SYT1: variants seen among roughly 807,000 people sequenced by gnomAD.
SYT1 encodes the protein synaptotagmin-1.
SYT1 carries 8 observed loss-of-function variants against 44.8 expected under a neutral mutation model. The ratio of observed to expected loss-of-function variants is 0.18; its 90% CI spans 0.10 to 0.32. The LOEUF is 0.32. Ranked by LOEUF, SYT1 falls within the 10% of genes least tolerant of loss-of-function variation. The pLI is 1.00. For missense variants in SYT1, 286 were observed against 509.3 expected, an observed-to-expected ratio of 0.56 and a Z score of 4.22; for synonymous variants, 154 against 188.8, an observed-to-expected ratio of 0.82 and a Z score of 1.51.
chr12:78,890,777 T>A (rs1173803779), intron 1 of SYT1, among the ~76,000 whole-genome samples: 1 of 151,928 alleles, frequency 6.6e-6, no homozygotes, highest in East Asian at 1.9e-4. Context: ...CTCCTCGCTA[T>A]AACTGCATTT....
chr12:78,931,179 A>AAGAAAAAGAAAGAAAG (rs1555181905), intron 1 of SYT1, among the ~76,000 whole-genome samples: 6 of 59,868 alleles, frequency 1.0e-4, no homozygotes, highest in African/African-American at 4.6e-4. Context: ...GAAAGAAAGA[A>AAGAAAAAGAAAGAAAG]AAAGAAAGAA....
chr12:79,270,148 T>A (rs546488360), intron 4 of SYT1, among the ~76,000 whole-genome samples: 80 of 152,314 alleles, frequency 5.3e-4, no homozygotes, highest in Admixed American at 2.2e-3. Context: ...AAAGCAAGAC[T>A]TTGAAAAAGA....
chr12:79,049,768 T>C (rs1874332667), intron 3 of SYT1, among the ~76,000 whole-genome samples: 1 of 152,000 alleles, frequency 6.6e-6, no homozygotes, highest in African/African-American at 2.4e-5. Flanking sequence ...ATGAAAGCTT[T>C]TTAGCACAGG....
At chr12:79,382,371 T>C (rs1037864742) in intron 9 of SYT1, among the ~76,000 whole-genome samples, 2 of 152,174 alleles carry the variant, frequency 1.3e-5, no homozygotes, top group African/African-American at 4.8e-5. Flanking sequence ...TTCTGGATAA[T>C]GTTTAGGAGG....
chr12:78,990,039 A>G (rs1468920312), intron 2 of SYT1, among the ~76,000 whole-genome samples: 1 of 152,152 alleles, frequency 6.6e-6, no homozygotes, highest in Non-Finnish European at 1.5e-5. Flanking sequence ...AGAAGAGCTT[A>G]GAACATTCAC....
chr12:79,000,900 T>C (rs1438247109), intron 2 of SYT1, among the ~76,000 whole-genome samples: 1 of 152,208 alleles, frequency 6.6e-6, no homozygotes, highest in African/African-American at 2.4e-5. Context: ...AATGCCAATT[T>C]AAATTCCCCC....
At chr12:79,115,898 A>G (rs1879249350) in intron 3 of SYT1, among the ~76,000 whole-genome samples, 1 of 152,178 alleles carries the variant, frequency 6.6e-6, no homozygotes. Context: ...TTAGCCTGTC[A>G]ATCAAATATG....
chr12:79,083,965 A>G lies in SYT1; in HGVS notation c.-18+36603A>G, dbSNP rs967982566. Among the ~76,000 whole-genome samples, 3 of 152,150 alleles carry G rather than the reference A, an allele frequency of 2.0e-5. No homozygotes were observed. In the South Asian group the frequency reaches 6.2e-4, roughly 31 times the overall value. The stretch of plus-strand genomic sequence containing the variant: ...GATTCACAAATGAGCATATCTCCTA[A>G]CAAGAACTAAAACAGCAGTTTGTCA... On this transcript the variant is annotated intron_variant, in intron 3 of 10. Transcript: ENST00000261205.
chr12:79,393,538 C>T (rs1004726903), intron 9 of SYT1: 6 of 152,184 alleles, frequency 3.9e-5, no homozygotes, highest in Admixed American at 1.3e-4. Context: ...TTTTGATTTG[C>T]ATTTCTCTGA....
At chr12:79,114,695 A>G (rs1879185541) in intron 3 of SYT1, among the ~76,000 whole-genome samples, 1 of 152,154 alleles carries the variant, frequency 6.6e-6, no homozygotes, top group Admixed American at 6.6e-5. Flanking sequence ...CCCAAAATAC[A>G]ATATATGTTA....
chr12:78,978,703 A>G (rs765530060), intron 2 of SYT1, among the ~76,000 whole-genome samples: 1 of 152,198 alleles, frequency 6.6e-6, no homozygotes, highest in Non-Finnish European at 1.5e-5. Context: ...CCCATGCTAC[A>G]GAAGTTTGGA....
Position 79,438,220 on chromosome 12 carries a change from G to A in SYT1, c.929-5853G>A, listed in dbSNP as rs1012021821. On this transcript the variant is annotated intron_variant, in intron 9 of 10. Coordinates refer to ENST00000261205, the MANE Select transcript of SYT1 (RefSeq NM_005639.3). ...AAGGAAACAGAGGCATATCTCATAT[G>A]CCATATATGCCTGTATATCATATAT... is the stretch of plus-strand genomic sequence containing the variant. Among the ~76,000 whole-genome samples, 6 of 152,124 alleles carry A rather than the reference G, an allele frequency of 3.9e-5. 1 individual carries two copies. Among genetic ancestry groups the A allele is most frequent in the Admixed American group, 3.9e-4 (6 of 15,266 alleles).
chr12:79,446,903 A>AT (rs1435515745), intron 10 of SYT1, among the ~76,000 whole-genome samples: 2 of 152,124 alleles, frequency 1.3e-5, no homozygotes, highest in Non-Finnish European at 2.9e-5. Context: ...CTGGCATTTA[A>AT]TTTTTTTAAT....
At chr12:79,228,095 C>T (rs1875635639) in intron 4 of SYT1, among the ~76,000 whole-genome samples, 2 of 149,912 alleles carry the variant, frequency 1.3e-5, no homozygotes, top group Admixed American at 1.3e-4. Context: ...CTTTAGCCTA[C>T]ACACATGCTC....
intron 3 of SYT1, among the ~76,000 whole-genome samples, chr12:79,051,929 A>G (rs1874529326): frequency 6.6e-6 from 1 of 152,068 alleles, no homozygotes; most frequent in Non-Finnish European, 1.5e-5. Context: ...CAGTTACTGT[A>G]GCCTTGTAGT....
intron 2 of SYT1, among the ~76,000 whole-genome samples, chr12:78,982,007 T>C (rs1287785426): frequency 2.6e-5 from 4 of 152,128 alleles, no homozygotes; most frequent in Admixed American, 2.0e-4. Flanking sequence ...GTCTTGTTCC[T>C]CTATTCTGCT....
At chr12:79,340,229 G>A (rs11113801) in intron 8 of SYT1, among the ~76,000 whole-genome samples, 12,218 of 152,146 alleles carry the variant, frequency 0.08, 1,178 homozygotes, top group African/African-American at 0.24. Flanking sequence ...AGCTTGATGG[G>A]GATGGCACTG....
intron 3 of SYT1, among the ~76,000 whole-genome samples, chr12:79,113,599 TC>T (rs1879129132): frequency 6.6e-6 from 1 of 152,172 alleles, no homozygotes; most frequent in Non-Finnish European, 1.5e-5. Context: ...TATTTAACTT[TC>T]TTTAACCCAG....
At chr12:79,171,819 A>G (rs1325797627) in intron 3 of SYT1, among the ~76,000 whole-genome samples, 2 of 151,992 alleles carry the variant, frequency 1.3e-5, no homozygotes, top group Non-Finnish European at 2.9e-5. Flanking sequence ...CTCTCCTATT[A>G]TTAATAAAAT....
Sources: gnomAD v4.1 joint callset for allele counts (sites outside exome capture counted in the v4.1 genomes callset) on GRCh38, gnomAD v4.1.1 for gene constraint, MANE v1.5 for transcripts, NCBI Gene and HGNC (gene_info 2026-07-23, HGNC 2026-07-21) for gene names.